TERF2: variants seen among roughly 807,000 people sequenced by gnomAD.
TERF2 encodes telomeric repeat binding factor 2.
Under a neutral mutation model 56.1 loss-of-function variants are expected in TERF2, and 16 were observed. The observed-to-expected ratio is 0.29, with a 90% CI of 0.19 to 0.43. TERF2 has a LOEUF of 0.43. Ranked by LOEUF, TERF2 falls within the 20% of genes least tolerant of loss-of-function variation. TERF2 has a pLI of 1.00. For synonymous variants in TERF2, 296 were observed against 282.1 expected, an observed-to-expected ratio of 1.05 and a Z score of -0.50; for missense variants, 547 against 712.9, an observed-to-expected ratio of 0.77 and a Z score of 2.65.
chr16:69,376,251 T>A (rs1448688506), intron 3 of TERF2, among the ~76,000 whole-genome samples: 1 of 152,194 alleles, frequency 6.6e-6, no homozygotes, highest in Non-Finnish European at 1.5e-5. Flanking sequence ...ATGGTCAAAG[T>A]TCATTTCTGC....
At chr16:69,385,546 C>A (rs780540551) in intron 1 of TERF2, 47 bp downstream of exon 1, 2 of 1,560,484 alleles carry the variant, frequency 1.3e-6, no homozygotes, top group East Asian at 2.3e-5. Context: ...GTCCCCCGGA[C>A]CCCCTTCCCC....
intron 3 of TERF2, among the ~76,000 whole-genome samples, chr16:69,383,944 T>C (rs1434597668): frequency 6.6e-6 from 1 of 152,224 alleles, no homozygotes; most frequent in Non-Finnish European, 1.5e-5. Flanking sequence ...CAGCCACTTC[T>C]ATGTTTTAAA....
chr16:69,373,264 G>A (rs1046511149), intron 3 of TERF2, among the ~76,000 whole-genome samples: 3 of 152,010 alleles, frequency 2.0e-5, no homozygotes, highest in African/African-American at 7.2e-5. Flanking sequence ...AATAAAAAGG[G>A]CAAAGTTCCA....
At chr16:69,363,546 G>A (rs536151070) in intron 7 of TERF2, among the ~76,000 whole-genome samples, 15 of 152,268 alleles carry the variant, frequency 9.9e-5, no homozygotes, top group African/African-American at 3.6e-4. Context: ...GCTCCTGACT[G>A]GCAGTTTGAA....
intron 4 of TERF2, 82 bp from the exon 5 acceptor site, chr16:69,370,711 A>G: frequency 7.1e-7 from 1 of 1,400,090 alleles, no homozygotes; most frequent in East Asian, 2.3e-5. Flanking sequence ...GACAGACACT[A>G]TGAGAACTTC....
chr16:69,370,551 T>A lies in TERF2; in HGVS notation c.772A>T (p.Thr258Ser), dbSNP rs751868108. Reference sequence around the variant, plus strand: ...AAGCGCAGCATCTTCTGCTGGAAGGTCTCATATGAAAAGTTCTGGATAACA... The same window carrying A: ...AAGCGCAGCATCTTCTGCTGGAAGGACTCATATGAAAAGTTCTGGATAACA... ...HPVIQNFSYETFQQKMLRFLE... is the reference protein window; with the variant it reads ...HPVIQNFSYESFQQKMLRFLE... The change falls in exon 5 of 10, where the codon ACC (threonine) becomes TCC (serine). Residue 258 changes from threonine (T) to serine (S), a missense_variant. Physicochemically the swap from Thr to Ser is moderately conservative, Grantham distance 58 (BLOSUM62 1). This residue lies in a region of TERF2 where 97 missense variants were observed against 157.0 expected (regional missense o/e 0.62). Transcript: ENST00000254942. 6.2e-6 allele frequency: 10 copies of A among 1,614,166 alleles called. No individual in the cohort carries two copies. Among genetic ancestry groups the A allele is most frequent in the Non-Finnish European group, 8.5e-6 (10 of 1,180,034 alleles).
chr16:69,356,717 G>A lies in TERF2; in HGVS notation c.*181C>T, dbSNP rs556744799. ...CGGGAGGCTGAGGCAGGAGAATGGCGTGAGCCCGGGAGACGGAGGTCGCAG... is the reference window on the plus strand; with the variant it reads ...CGGGAGGCTGAGGCAGGAGAATGGCATGAGCCCGGGAGACGGAGGTCGCAG... On this transcript the variant is annotated 3_prime_UTR_variant, in exon 10 of 10. Coordinates refer to ENST00000254942, the MANE Select transcript of TERF2 (RefSeq NM_005652.5). The A allele has an allele frequency of 2.0e-5, 12 of 596,848 alleles. No individual in the cohort carries two copies. The highest frequency in any genetic ancestry group is 7.6e-5 in the African/African-American group (4 of 52,552). The allele number at this position is 596,848 out of a possible 1,614,324, so 37.0% of individuals were successfully genotyped here.
At chr16:69,360,705 CAAA>C (rs1204701669) in intron 8 of TERF2, among the ~76,000 whole-genome samples, 5 of 65,412 alleles carry the variant, frequency 7.6e-5, no homozygotes, top group Non-Finnish European at 1.2e-4. Context: ...GACCCTGTCT[CAAA>C]AAAAAAAAAA....
At chr16:69,359,421 G>A (rs917995255) in intron 8 of TERF2, among the ~76,000 whole-genome samples, 2 of 151,276 alleles carry the variant, frequency 1.3e-5, no homozygotes, top group African/African-American at 4.9e-5. Flanking sequence ...CCAACTACTC[G>A]GGAGGTTGAG....
chr16:69,375,552 T>C (rs933270203), intron 3 of TERF2, among the ~76,000 whole-genome samples: 19 of 152,264 alleles, frequency 1.2e-4, no homozygotes, highest in Middle Eastern at 3.4e-3. Flanking sequence ...CAGATGAAAA[T>C]TGCACATACT....
intron 8 of TERF2, among the ~76,000 whole-genome samples, chr16:69,359,173 A>G (rs1785697870): frequency 6.6e-6 from 1 of 152,190 alleles, no homozygotes; most frequent in Admixed American, 6.5e-5. Context: ...GCACATGACT[A>G]TAGGTGTGTT....
intron 4 of TERF2, among the ~76,000 whole-genome samples, chr16:69,371,623 T>C (rs1225333216): frequency 6.6e-6 from 1 of 151,900 alleles, no homozygotes; most frequent in African/African-American, 2.4e-5. Context: ...CAGACCAGCC[T>C]GGGCAACATA....
At chr16:69,377,094 T>C (rs1404154594) in intron 3 of TERF2, among the ~76,000 whole-genome samples, 1 of 150,766 alleles carries the variant, frequency 6.6e-6, no homozygotes, top group Non-Finnish European at 1.5e-5. Flanking sequence ...TTTCAGCTCC[T>C]CAGGAGGCTG....
At chr16:69,360,717 A>AAAAG (rs1445100318) in intron 8 of TERF2, among the ~76,000 whole-genome samples, 1 of 151,748 alleles carries the variant, frequency 6.6e-6, no homozygotes, top group African/African-American at 2.4e-5. Context: ...AAAAAAAAAA[A>AAAAG]AAAAAAAAAG....
At chr16:69,382,606 G>A (rs1260038179) in intron 3 of TERF2, among the ~76,000 whole-genome samples, 7 of 152,282 alleles carry the variant, frequency 4.6e-5, no homozygotes, top group African/African-American at 1.7e-4. Flanking sequence ...TCTGCCTTGG[G>A]TTCTTGCTCT....
intron 3 of TERF2, among the ~76,000 whole-genome samples, chr16:69,382,025 C>T (rs72797163): frequency 2.2e-4 from 34 of 152,226 alleles, no homozygotes; most frequent in Non-Finnish European, 3.2e-4. Context: ...ATCTTGATCA[C>T]GCTAAGGAAT....
chr16:69,362,843 C>T (rs1036539120), intron 7 of TERF2, among the ~76,000 whole-genome samples: 40 of 152,156 alleles, frequency 2.6e-4, no homozygotes, highest in African/African-American at 7.7e-4. Flanking sequence ...TCAAATGACC[C>T]GCAAAAGTTA....
At chr16:69,370,760 G>A in intron 4 of TERF2, 131 bp from the exon 5 acceptor site, 3 of 871,626 alleles carry the variant, frequency 3.4e-6, no homozygotes, top group Non-Finnish European at 5.2e-6. Context: ...ACACATACAG[G>A]AAGGGAAGCC....
chr16:69,380,327 A>C (rs1055298639), intron 3 of TERF2, among the ~76,000 whole-genome samples: 1 of 152,176 alleles, frequency 6.6e-6, no homozygotes, highest in African/African-American at 2.4e-5. Context: ...ATTCTACACG[A>C]AACTGCAGTA....
Sources: allele counts gnomAD v4.1 joint callset (sites outside exome capture counted in the v4.1 genomes callset), GRCh38; gene constraint gnomAD v4.1.1; regional missense constraint gnomAD v4.1.1; transcripts MANE v1.5; gene names NCBI Gene and HGNC (gene_info 2026-07-23, HGNC 2026-07-21).